Variants in IAPP observed in about 807,000 individuals in gnomAD.
The protein encoded by IAPP is islet amyloid polypeptide.
Under a neutral mutation model 2.9 loss-of-function variants are expected in IAPP, and 4 were observed. That is an observed-to-expected ratio of 1.39 (90% CI 0.69 to 3.19). The LOEUF is 3.19. IAPP is among the 30% of genes most tolerant of loss of function. IAPP has a pLI of 0.01. For missense variants in IAPP, 114 were observed against 105.3 expected (o/e 1.08, Z -0.36); for synonymous variants, 40 against 42.1 (o/e 0.95, Z 0.19).
chr12:21,372,616 T>C (rs1939880327), upstream of IAPP, among the ~76,000 whole-genome samples: 1 of 152,206 alleles, frequency 6.6e-6, no homozygotes, highest in South Asian at 2.1e-4. Flanking sequence ...TTCCTTACCA[T>C]AACATACACT....
chr12:21,360,939 T>C (rs1938812489), intron 1 of IAPP, among the ~76,000 whole-genome samples: 1 of 152,128 alleles, frequency 6.6e-6, no homozygotes, highest in African/African-American at 2.4e-5. Context: ...TGCCTGCCTC[T>C]GTAGACTCCA....
intron 1 of IAPP, among the ~76,000 whole-genome samples, chr12:21,366,753 A>G (rs1003008331): frequency 1.3e-5 from 2 of 151,956 alleles, no homozygotes; most frequent in Admixed American, 1.3e-4. Context: ...AGAAAGCAAG[A>G]TCTCTTGAAA....
rs2137114392 is a variant in IAPP, at chr12:21,378,360, T to C, written c.204T>C (p.Asn68=). Residue 68 remains asparagine, a synonymous_variant, in exon 3 of 3, where the codon AAT becomes AAC. Coordinates refer to ENST00000240652, the MANE Select transcript of IAPP (RefSeq NM_000415.3). ...TCTCATCTACCAACGTGGGATCCAA[T>C]ACATATGGCAAGAGGAATGCAGTAG... The part of the protein sequence containing the change: ...AILSSTNVGS[N]TYGKRNAVEV... 1.2e-6 allele frequency: 2 copies of C among 1,614,128 alleles called. No homozygotes were observed. Among genetic ancestry groups the C allele is most frequent in the Non-Finnish European group, 8.5e-7 (1 of 1,179,976 alleles).
At chr12:21,359,331 A>T (rs890030440) in intron 1 of IAPP, among the ~76,000 whole-genome samples, 11 of 152,188 alleles carry the variant, frequency 7.2e-5, no homozygotes, top group African/African-American at 2.7e-4. Context: ...GTTTAAAAAC[A>T]GGGAAAATCA....
At chr12:21,356,862 T>A (rs11045996) in intron 1 of IAPP, among the ~76,000 whole-genome samples, 1 of 152,166 alleles carries the variant, frequency 6.6e-6, no homozygotes, top group East Asian at 1.9e-4. Context: ...TATAGAGTAG[T>A]GAGAACTTTT....
At chr12:21,361,351 C>G (rs1938861113) in intron 1 of IAPP, among the ~76,000 whole-genome samples, 1 of 152,202 alleles carries the variant, frequency 6.6e-6, no homozygotes, top group Non-Finnish European at 1.5e-5. Flanking sequence ...AACTAACAAA[C>G]AGAAAGGACA....
At chr12:21,358,059 C>T (rs944077268) in intron 1 of IAPP, among the ~76,000 whole-genome samples, 1 of 152,078 alleles carries the variant, frequency 6.6e-6, no homozygotes, top group Admixed American at 6.6e-5. Flanking sequence ...CAAAACTTTA[C>T]TCACATGTTT....
At chr12:21,373,554 T>A in intron 2 of IAPP, 123 bp downstream of exon 2, 4 of 733,598 alleles carry the variant, frequency 5.5e-6, no homozygotes, top group Non-Finnish European at 9.9e-6. Context: ...GAACAGTACC[T>A]TCAGCTATTC....
At position 21,372,981 on chromosome 12, in the gene IAPP, T is replaced by C. The variant is rs1565520892; in HGVS notation, c.-39T>C. The C allele has an allele frequency of 3.9e-6, 1 of 254,204 alleles. No homozygotes were observed. The highest frequency in any genetic ancestry group is 7.6e-6 in the Non-Finnish European group (1 of 131,702). 15.7% of individuals were successfully genotyped at this position (254,204 alleles called of 1,614,324 possible). On this transcript the variant is annotated 5_prime_UTR_variant, in exon 1 of 3. Transcript: ENST00000240652. ...TTTCTATCAGAAGCATTTGCTGATA[T>C]TGCTGACATTGAAACATTAAAAGGT...
intron 2 of IAPP, among the ~76,000 whole-genome samples, chr12:21,375,174 G>A (rs180856344): frequency 6.6e-6 from 1 of 152,180 alleles, no homozygotes. Context: ...TAGAAATAGA[G>A]CAATATGTAA....
intron 1 of IAPP, among the ~76,000 whole-genome samples, chr12:21,366,451 G>A (rs1163053688): frequency 1.3e-5 from 2 of 151,958 alleles, no homozygotes; most frequent in Admixed American, 6.6e-5. Context: ...TGTAAATGAC[G>A]AGTTGACGGG....
At chr12:21,362,971 C>CATTA (rs1680098660) in intron 1 of IAPP, among the ~76,000 whole-genome samples, 1 of 152,154 alleles carries the variant, frequency 6.6e-6, no homozygotes, top group African/African-American at 2.4e-5. Flanking sequence ...CCACTGTGAA[C>CATTA]ATTAGACAGA....
chr12:21,379,034 C>T lies in IAPP; in HGVS notation c.*608C>T, dbSNP rs991177283. The T allele has an allele frequency of 7.2e-5, 11 of 152,276 alleles. No individual in the cohort carries two copies. Among genetic ancestry groups the T allele is most frequent in the African/African-American group, 2.7e-4 (11 of 41,406 alleles). The allele number at this position is 152,276 out of a possible 1,614,324, so 9.4% of individuals were successfully genotyped here. On this transcript the variant is annotated 3_prime_UTR_variant, in exon 3 of 3. Transcript: ENST00000240652. ...AGGTTGCAGTGAGCCGAGATTGCAC[C>T]ACTGCACTCCAGCCTGGGTGGCAGA...
Position 21,358,714 on chromosome 12 carries a change from G to A in IAPP, c.-16+3701G>A, listed in dbSNP as rs929043066. Among the ~76,000 whole-genome samples, 11 of 151,218 alleles carry A rather than the reference G, an allele frequency of 7.3e-5. No individual in the cohort carries two copies. The East Asian group carries it at 2.1e-3, about 30-fold the overall frequency. ...CTACAAACAATAAATGAACAATATT[G>A]AAAAAATTAAAAGAAAAATAAAAAG... is the stretch of plus-strand genomic sequence containing the variant. On this transcript the variant is annotated intron_variant, in intron 1 of 2. Transcript: ENST00000539393.
chr12:21,375,901 A>G (rs372706296), intron 2 of IAPP, among the ~76,000 whole-genome samples: 4,120 of 106,528 alleles, frequency 0.039, 200 homozygotes, highest in African/African-American at 0.13. Context: ...CCAGGTAGTC[A>G]ATGAGAAAAA....
chr12:21,371,401 A>AT (rs71444118), upstream of IAPP, among the ~76,000 whole-genome samples: 38,116 of 151,658 alleles, frequency 0.25, 5,742 homozygotes, highest in African/African-American at 0.43. Flanking sequence ...ATTTCTTTTG[A>AT]TTTTTTTTCT....
At chr12:21,371,719 G>T (rs1215325936), upstream of IAPP, among the ~76,000 whole-genome samples, 1 of 152,082 alleles carries the variant, frequency 6.6e-6, no homozygotes, top group African/African-American at 2.4e-5. Flanking sequence ...TACAAAAAAA[G>T]AGGATGGGTG....
intron 1 of IAPP, among the ~76,000 whole-genome samples, chr12:21,360,186 G>T (rs1938717908): frequency 1.3e-5 from 2 of 152,126 alleles, no homozygotes; most frequent in Admixed American, 1.3e-4. Context: ...ACTAAAAAAG[G>T]TTACAAGACA....
upstream of IAPP, among the ~76,000 whole-genome samples, chr12:21,371,874 T>G (rs1331586478): frequency 6.6e-6 from 1 of 151,852 alleles, no homozygotes; most frequent in Non-Finnish European, 1.5e-5. Flanking sequence ...TGGTGATGCA[T>G]GCCTGTAATC....
Sources: gnomAD v4.1 joint callset for allele counts (sites outside exome capture counted in the v4.1 genomes callset) on GRCh38, gnomAD v4.1.1 for gene constraint, MANE v1.5 for transcripts, NCBI Gene and HGNC (gene_info 2026-07-23, HGNC 2026-07-21) for gene names.